Variants in STARD13 observed in about 807,000 individuals in gnomAD.
The protein encoded by STARD13 is stAR-related lipid transfer protein 13.
A neutral mutation model predicts 106.4 loss-of-function variants in STARD13; 62 were observed. The ratio of observed to expected loss-of-function variants is 0.58; its 90% CI spans 0.48 to 0.72. The LOEUF is 0.72. STARD13 is among the 30% of genes least tolerant of loss of function. The pLI, the probability that STARD13 is intolerant of heterozygous loss-of-function variation, is 0.00. For synonymous variants in STARD13, 565 were observed against 553.0 expected (o/e 1.02, Z -0.31); for missense variants, 1,387 against 1,424.0 (o/e 0.97, Z 0.42).
chr13:33,182,317 A>G (rs576462188), intron 1 of STARD13, among the ~76,000 whole-genome samples: 3 of 152,336 alleles, frequency 2.0e-5, no homozygotes, highest in Admixed American at 6.5e-5. Flanking sequence ...TATTAATGTA[A>G]AAATGGAACA....
intron 1 of STARD13, among the ~76,000 whole-genome samples, chr13:33,301,726 C>G (rs1566127063): frequency 1.3e-5 from 2 of 152,024 alleles, no homozygotes; most frequent in African/African-American, 2.4e-5. Flanking sequence ...CGCCACCATG[C>G]CTGGCTAATA....
At chr13:33,597,882 C>CTGG in the STARD13 span, among the ~76,000 whole-genome samples, 1 of 151,602 alleles carries the variant, frequency 6.6e-6, no homozygotes, top group Non-Finnish European at 1.5e-5. Flanking sequence ...GCACTTTTGT[C>CTGG]TTCAAGACAC....
intron 1 of STARD13, among the ~76,000 whole-genome samples, chr13:33,207,973 C>A (rs191836008): frequency 1.3e-5 from 2 of 152,298 alleles, no homozygotes; most frequent in East Asian, 3.9e-4. Flanking sequence ...TTGGGAAATT[C>A]CCTACTTCCA....
chr13:33,195,735 C>A (rs1038851357), intron 1 of STARD13, among the ~76,000 whole-genome samples: 7 of 152,112 alleles, frequency 4.6e-5, no homozygotes, highest in Admixed American at 2.6e-4. Context: ...TGAAGGAAGG[C>A]GGTAAGAAGG....
intron 7 of STARD13, among the ~76,000 whole-genome samples, chr13:33,124,007 C>G (rs1029705577): frequency 6.6e-6 from 1 of 152,208 alleles, no homozygotes; most frequent in African/African-American, 2.4e-5. Context: ...CTTTTCAATT[C>G]CACAGAAGTG....
At chr13:33,571,857 G>A in the STARD13 span, among the ~76,000 whole-genome samples, 1 of 152,110 alleles carries the variant, frequency 6.6e-6, no homozygotes, top group Non-Finnish European at 1.5e-5. Flanking sequence ...TCTCTTCTGG[G>A]ACTTAAGAGT....
chr13:33,299,387 A>C (rs955105598), intron 1 of STARD13, among the ~76,000 whole-genome samples: 1 of 152,228 alleles, frequency 6.6e-6, no homozygotes, highest in Admixed American at 6.5e-5. Flanking sequence ...AGCAGTCTAA[A>C]CACTTTTTAT....
intron 1 of STARD13, among the ~76,000 whole-genome samples, chr13:33,275,378 T>C (rs1450039801): frequency 1.3e-5 from 2 of 152,206 alleles, no homozygotes; most frequent in African/African-American, 4.8e-5. Flanking sequence ...TTAATAATCA[T>C]TTTGTCTTAA....
chr13:33,572,249 G>T, the STARD13 span, among the ~76,000 whole-genome samples: 1 of 152,046 alleles, frequency 6.6e-6, no homozygotes, highest in African/African-American at 2.4e-5. Flanking sequence ...ACTTTTCTCT[G>T]TACATTGTGA....
chr13:33,365,217 G>C, the STARD13 span, among the ~76,000 whole-genome samples: 1 of 152,274 alleles, frequency 6.6e-6, no homozygotes, highest in Non-Finnish European at 1.5e-5. Context: ...GGAGTCTGTG[G>C]GGAAGGGTGG....
chr13:33,552,177 A>G, the STARD13 span, among the ~76,000 whole-genome samples: 4 of 152,210 alleles, frequency 2.6e-5, no homozygotes, highest in Non-Finnish European at 5.9e-5. Context: ...GATATAGACA[A>G]TAATAATTGG....
chr13:33,285,586 G>A lies in STARD13; in HGVS notation c.53C>T (p.Ser18Phe), dbSNP rs769556235. 3.7e-6 allele frequency: 6 copies of A among 1,613,966 alleles called. No homozygotes were observed. Among genetic ancestry groups the A allele is most frequent in the Non-Finnish European group, 5.1e-6 (6 of 1,179,896 alleles). ...CATCTCCTGGCCCTCAGGTGTCATG[G>A]AATTTAGGTAGTAGCAGCCTGAGGC... ...TPASGCYYLN[S>F]MTPEGQEMYL... Residue 18 changes from serine (S) to phenylalanine (F), a missense_variant, in exon 1 of 14, where the codon TCC becomes TTC. Transcript: ENST00000336934.
chr13:33,276,345 T>C (rs1384202721), intron 1 of STARD13: 1 of 152,222 alleles, frequency 6.6e-6, no homozygotes. Flanking sequence ...ATGCATGTAG[T>C]GGGAAATGTG....
At chr13:33,623,190 T>C in the STARD13 span, among the ~76,000 whole-genome samples, 1 of 152,014 alleles carries the variant, frequency 6.6e-6, no homozygotes, top group African/African-American at 2.4e-5. Flanking sequence ...ATTTACCACA[T>C]TTAAAGAATA....
At chr13:33,232,991 C>G (rs949438447) in intron 1 of STARD13, among the ~76,000 whole-genome samples, 9 of 152,222 alleles carry the variant, frequency 5.9e-5, no homozygotes, top group African/African-American at 1.7e-4. Flanking sequence ...CTTGTTGTCT[C>G]AGTGATTGAC....
the STARD13 span, among the ~76,000 whole-genome samples, chr13:33,580,658 GA>G: frequency 6.6e-6 from 1 of 152,096 alleles, no homozygotes; most frequent in South Asian, 2.1e-4. Context: ...AGCAGTAAGA[GA>G]AGGGTATATA....
Position 33,126,088 on chromosome 13 carries a change from A to G in STARD13, c.2075T>C (p.Leu692Pro). 6.2e-7 allele frequency: 1 copy of G among 1,613,810 alleles called. No individual in the cohort carries two copies. The highest frequency in any genetic ancestry group is 8.5e-7 in the Non-Finnish European group (1 of 1,179,910). The change falls in exon 7 of 14, where the codon CTC becomes CCC. Residue 692 changes from leucine to proline, a missense_variant. By Grantham distance (98) the Leu-to-Pro change is moderately conservative. Coordinates refer to ENST00000336934, the MANE Select transcript of STARD13 (RefSeq NM_178006.4). ...QALRYLRSNC[L>P]DQVGLFRKSG... ...GGGGGGTTACAGCCCTACCTGATCG[A>G]GGCAGTTGCTGCGTAGATATCTCAG...
the STARD13 span, among the ~76,000 whole-genome samples, chr13:33,416,841 A>G: frequency 6.6e-6 from 1 of 152,236 alleles, no homozygotes; most frequent in South Asian, 2.1e-4. Context: ...TAAAAAATAG[A>G]TAAATTGGAA....
the STARD13 span, among the ~76,000 whole-genome samples, chr13:33,464,798 A>G: frequency 0.3 from 45,788 of 152,016 alleles, 7,653 homozygotes; most frequent in Non-Finnish European, 0.39. Context: ...GCAGTGAGCT[A>G]AGATCATGCC....
Sources: allele counts gnomAD v4.1 joint callset (sites outside exome capture counted in the v4.1 genomes callset), GRCh38; gene constraint gnomAD v4.1.1; transcripts MANE v1.5; gene names NCBI Gene and HGNC (gene_info 2026-07-23, HGNC 2026-07-21).